Variants in SHANK1 observed in about 807,000 individuals in gnomAD.
The protein encoded by SHANK1 is SH3 and multiple ankyrin repeat domains 1, also known as SH3 and multiple ankyrin repeat domains protein 1.
A neutral mutation model predicts 165.6 loss-of-function variants in SHANK1; 35 were observed. That is an observed-to-expected ratio of 0.21 (90% CI 0.16 to 0.28). The LOEUF is 0.28. SHANK1 is among the 10% of genes least tolerant of loss of function. The probability of loss-of-function intolerance (pLI) is 1.00; values close to 1 mark genes in which losing one functional copy is unlikely to be tolerated. For missense variants in SHANK1, 2,681 were observed against 3,036.4 expected (o/e 0.88, Z 2.75); for synonymous variants, 1,428 against 1,384.8 (o/e 1.03, Z -0.69).
Position 50,716,720 on chromosome 19 carries a change from T to A in SHANK1, c.200A>T (p.Asp67Val). Residue 67 changes from aspartate to valine, a missense_variant, in exon 2 of 24, where the codon GAC becomes GTC. Coordinates refer to ENST00000293441, the MANE Select transcript of SHANK1 (RefSeq NM_016148.5). The surrounding 1 kb of genome is among the most constrained non-coding windows in gnomAD (Gnocchi z 8.4). The part of the protein sequence containing the change: ...LQGRSMSVPD[D>V]AHFSMMVFRI... ...GAAGACCATCATGCTGAAGTGGGCG[T>A]CGTCTGGGACGGACATTGAGCGGCC... The A allele has an allele frequency of 6.2e-7, 1 of 1,603,450 alleles. No individual in the cohort carries two copies. The highest frequency in any genetic ancestry group is 8.5e-7 in the Non-Finnish European group (1 of 1,175,190).
Position 50,686,936 on chromosome 19 carries a change from AG to A in SHANK1, c.2390-125del, listed in dbSNP as rs1188889818. ...CGTGGCGGGCGCGAGAGGGGCAGTG[AG>A]GGGCCGGGGTCAGGGAGGGGCGAGT... On this transcript the variant is annotated intron_variant, in intron 19 of 23. Coordinates refer to ENST00000293441, the MANE Select transcript of SHANK1 (RefSeq NM_016148.5). This position sits in a 1 kb window ranked among gnomAD's most constrained non-coding sequence, Gnocchi z 5.7. 1.6e-6 allele frequency: 2 copies of A among 1,245,530 alleles called. No individual in the cohort carries two copies. Among genetic ancestry groups the A allele is most frequent in the Non-Finnish European group, 2.1e-6 (2 of 935,362 alleles). The allele number at this position is 1,245,530 out of a possible 1,614,324, so 77.2% of individuals were successfully genotyped here.
rs75570570 is a variant in SHANK1, at chr19:50,701,655, G to A, written c.1747+812C>T. ...AGGTCACCCTGCTAGGAAGTGGTGG[G>A]GTCTGGATTTGAACCCAGGCTGCCA... On this transcript the variant is annotated intron_variant, in intron 12 of 23. Transcript: ENST00000293441. Among the ~76,000 whole-genome samples the A allele has an allele frequency of 1.5e-3, 232 of 152,206 alleles. 1 individual carries two copies. Among genetic ancestry groups the A allele is most frequent in the African/African-American group, 5.2e-3 (217 of 41,518 alleles).
intron 9 of SHANK1, 57 bp downstream of exon 9, chr19:50,704,380 C>G: frequency 6.6e-7 from 1 of 1,520,852 alleles, no homozygotes; most frequent in Non-Finnish European, 9.1e-7. Context: ...CACTGGGTGT[C>G]ACTGTCACCC....
chr19:50,684,308 C>T (rs925065987), intron 21 of SHANK1, among the ~76,000 whole-genome samples: 1 of 151,986 alleles, frequency 6.6e-6, no homozygotes, highest in Admixed American at 6.6e-5. Flanking sequence ...TTACTGCAAC[C>T]CCCGCCTCGC....
rs937212337 is a variant in SHANK1, at chr19:50,686,590, T to C, written c.2458+154A>G. Among the ~76,000 whole-genome samples, 30 of 148,512 alleles carry C rather than the reference T, an allele frequency of 2.0e-4. No individual in the cohort carries two copies. The highest frequency in any genetic ancestry group is 7.4e-4 in the African/African-American group (30 of 40,330). On this transcript the variant is annotated intron_variant, in intron 20 of 23. Transcript: ENST00000293441. The surrounding 1 kb of genome is among the most constrained non-coding windows in gnomAD (Gnocchi z 5.7). ...GTGCGGGCAGGGAACGGGGCAGCCGTCGGGAGAGGGCGGGCGGAGGGAGGG... is the reference window on the plus strand; with the variant it reads ...GTGCGGGCAGGGAACGGGGCAGCCGCCGGGAGAGGGCGGGCGGAGGGAGGG...
chr19:50,681,346 T>C (rs1284792804), intron 21 of SHANK1, among the ~76,000 whole-genome samples: 1 of 152,122 alleles, frequency 6.6e-6, no homozygotes, highest in Non-Finnish European at 1.5e-5. Context: ...GGCAAATGAC[T>C]ATGGGTCCTC....
intron 21 of SHANK1, among the ~76,000 whole-genome samples, chr19:50,672,696 C>G (rs1985843091): frequency 6.6e-6 from 1 of 152,094 alleles, no homozygotes; most frequent in African/African-American, 2.4e-5. Flanking sequence ...CTTCCTTCCT[C>G]CAGCCACTGC....
Position 50,685,703 on chromosome 19 carries a change from G to A in SHANK1, c.2577+534C>T, listed in dbSNP as rs57050473. Among the ~76,000 whole-genome samples the A allele has an allele frequency of 3.7e-3, 560 of 152,164 alleles. 4 individuals carry two copies. The highest frequency in any genetic ancestry group is 0.013 in the African/African-American group (525 of 41,490). On this transcript the variant is annotated intron_variant, in intron 21 of 23. Transcript: ENST00000293441. ...TGCCCCACTGCACTCCAGCCTGGGC[G>A]ACAGAGTGAGACTCAGTCTCAAAAT... is the stretch of plus-strand genomic sequence containing the variant.
At chr19:50,714,397 G>T in intron 4 of SHANK1, 107 bp from the exon 5 acceptor site, 2 of 913,582 alleles carry the variant, frequency 2.2e-6, no homozygotes, top group Non-Finnish European at 3.4e-6. Context: ...AGTCACATAC[G>T]CCATTGAAAA....
Position 50,662,545 on chromosome 19 carries a change from G to C in SHANK1, c.5906C>G (p.Thr1969Ser). 6.4e-7 allele frequency: 1 copy of C among 1,561,212 alleles called. No individual in the cohort carries two copies. The highest frequency in any genetic ancestry group is 8.7e-7 in the Non-Finnish European group (1 of 1,152,374). Reference sequence around the variant, plus strand: ...GGAGGAGGAGGAGGCTGAGGGTGAGGTGGCCCCTGGGGCCGCAGCGGCTGT... The same window carrying C: ...GGAGGAGGAGGAGGCTGAGGGTGAGCTGGCCCCTGGGGCCGCAGCGGCTGT... ...SPTAAAAPGA[T>S]SPSASSSSTS... The change falls in exon 24 of 24, where the codon ACC becomes AGC. Residue 1969 changes from threonine (T) to serine (S), a missense_variant. By Grantham distance (58) the Thr-to-Ser change is moderately conservative. Transcript: ENST00000293441. The surrounding 1 kb of genome is among the most constrained non-coding windows in gnomAD (Gnocchi z 7.7).
intron 21 of SHANK1, among the ~76,000 whole-genome samples, chr19:50,673,202 C>T (rs1395892471): frequency 1.3e-5 from 2 of 152,074 alleles, no homozygotes; most frequent in Non-Finnish European, 2.9e-5. Context: ...TGCTTGACTT[C>T]CTTCCACAAC....
chr19:50,710,081 G>T (rs2088990247), intron 8 of SHANK1, among the ~76,000 whole-genome samples: 1 of 152,160 alleles, frequency 6.6e-6, no homozygotes, highest in Non-Finnish European at 1.5e-5. Flanking sequence ...GGACTTGTTT[G>T]CTCCCCACCC....
chr19:50,674,662 G>A lies in SHANK1; in HGVS notation c.2578-2548C>T, dbSNP rs190556506. On this transcript the variant is annotated intron_variant, in intron 21 of 23. Transcript: ENST00000293441. ...ATTCAACTGTACATTTCAGGCCAAC[G>A]TGGTGGCTCATGCCTGAAATCTCAA... 7.9e-5 allele frequency among the ~76,000 whole-genome samples: 12 copies of A among 152,214 alleles called. No homozygotes were observed. The East Asian group carries it at 1.9e-3, about 25-fold the overall frequency.
chr19:50,713,828 G>C lies in SHANK1; in HGVS notation c.762C>G (p.Ala254=). The change falls in exon 6 of 24, where the codon GCC becomes GCG. Residue 254 remains alanine (A), a synonymous_variant. Transcript: ENST00000293441. The surrounding 1 kb of genome is among the most constrained non-coding windows in gnomAD (Gnocchi z 6.2). ...ARDGMTALHK[A]ACARHCLALT... is the part of the protein sequence containing the mutation. The stretch of plus-strand genomic sequence containing the variant: ...GTGCCAGGCAGTGTCGGGCGCATGC[G>C]GCCTTATGCAGTGCGGTCATGCCAT... 1 of 1,613,748 alleles carries C rather than the reference G, an allele frequency of 6.2e-7. No individual in the cohort carries two copies. Among genetic ancestry groups the C allele is most frequent in the Non-Finnish European group, 8.5e-7 (1 of 1,179,990 alleles).
intron 8 of SHANK1, among the ~76,000 whole-genome samples, chr19:50,709,251 G>A (rs2088979906): frequency 6.6e-6 from 1 of 152,030 alleles, no homozygotes; most frequent in African/African-American, 2.4e-5. Flanking sequence ...CCATTCTCCT[G>A]TCTCAGCCTC....
chr19:50,667,559 C>T lies in SHANK1; in HGVS notation c.4401G>A (p.Pro1467=). ...GCTTGCTTACTCCGGGGTGCGGGGCCGGGGGCTCCGTCCCCAGCTGCAGCA... is the reference window on the plus strand; with the variant it reads ...GCTTGCTTACTCCGGGGTGCGGGGCTGGGGGCTCCGTCCCCAGCTGCAGCA... ...PLLLQLGTEP[P]APHPGVSKPW... Residue 1467 remains proline (P), a synonymous_variant, in exon 23 of 24, where the codon CCG becomes CCA. Transcript: ENST00000293441. The surrounding 1 kb of genome is among the most constrained non-coding windows in gnomAD (Gnocchi z 5.7). The T allele has an allele frequency of 2.1e-6, 3 of 1,458,034 alleles. No individual in the cohort carries two copies. Among genetic ancestry groups the T allele is most frequent in the East Asian group, 2.5e-5 (1 of 39,272 alleles). The allele number at this position is 1,458,034 out of a possible 1,614,324, so 90.3% of individuals were successfully genotyped here.
At chr19:50,687,747 G>C (rs1252036900) in intron 18 of SHANK1, 85 bp from the exon 19 acceptor site, 70 of 1,365,016 alleles carry the variant, frequency 5.1e-5, no homozygotes, top group Non-Finnish European at 6.7e-5. Flanking sequence ...CCAGGGCTCA[G>C]AGAATAGCCA....
intron 12 of SHANK1, among the ~76,000 whole-genome samples, chr19:50,698,938 G>A (rs770160704): frequency 8.1e-4 from 123 of 152,104 alleles, no homozygotes; most frequent in Non-Finnish European, 1.7e-3. Context: ...TTCCTTCCTC[G>A]TTCAACCCTT....
At chr19:50,682,964 T>A (rs1986222069) in intron 21 of SHANK1, among the ~76,000 whole-genome samples, 1 of 152,156 alleles carries the variant, frequency 6.6e-6, no homozygotes, top group Non-Finnish European at 1.5e-5. Context: ...TAGCTAGGAC[T>A]ACAGGTGCAT....
Sources: allele counts gnomAD v4.1 joint callset (sites outside exome capture counted in the v4.1 genomes callset), GRCh38; gene constraint gnomAD v4.1.1; non-coding constraint Gnocchi (gnomAD v3.1); transcripts MANE v1.5; gene names NCBI Gene and HGNC (gene_info 2026-07-23, HGNC 2026-07-21).